Variants in JARID2 observed in about 807,000 individuals in gnomAD.
JARID2 encodes protein Jumonji.
JARID2 carries 21 observed loss-of-function variants against 125.6 expected under a neutral mutation model. The ratio of observed to expected loss-of-function variants is 0.17; its 90% CI spans 0.12 to 0.24. The LOEUF (loss-of-function observed/expected upper bound fraction) is 0.24, where lower values mean the gene tolerates loss of function less well. Among genes scored for constraint, JARID2 ranks in the 10% least tolerant of loss-of-function variants. The pLI, the probability that JARID2 is intolerant of heterozygous loss-of-function variation, is 1.00. For missense variants in JARID2, 1,303 were observed against 1,639.6 expected, an observed-to-expected ratio of 0.79 and a Z score of 3.55; for synonymous variants, 736 against 661.6, an observed-to-expected ratio of 1.11 and a Z score of -1.73.
chr6:15,471,134 G>GGT (rs1237585871), intron 5 of JARID2, among the ~76,000 whole-genome samples: 1 of 152,202 alleles, frequency 6.6e-6, no homozygotes, highest in African/African-American at 2.4e-5. Context: ...CAGAGGCGGG[G>GGT]GTGAAGGTAA....
chr6:15,321,621 TCTC>T (rs1319183707), intron 1 of JARID2, among the ~76,000 whole-genome samples: 1 of 152,084 alleles, frequency 6.6e-6, no homozygotes, highest in Non-Finnish European at 1.5e-5. Flanking sequence ...TCCTTCAGCT[TCTC>T]CTCGTATTTA....
chr6:15,382,999 C>T (rs1212318591), intron 2 of JARID2, among the ~76,000 whole-genome samples: 3 of 152,062 alleles, frequency 2.0e-5, no homozygotes, highest in Non-Finnish European at 2.9e-5. Context: ...ATGTGTAGGG[C>T]TATAGGGCGG....
chr6:15,447,207 C>A (rs1767712024), intron 3 of JARID2, among the ~76,000 whole-genome samples: 1 of 152,122 alleles, frequency 6.6e-6, no homozygotes, highest in South Asian at 2.1e-4. Context: ...AAATGTTATC[C>A]TCTGAATATA....
intron 5 of JARID2, among the ~76,000 whole-genome samples, chr6:15,484,360 G>A (rs1769765678): frequency 6.6e-6 from 1 of 152,200 alleles, no homozygotes; most frequent in Non-Finnish European, 1.5e-5. Context: ...TGGTCAGTGT[G>A]GACAAATTAA....
chr6:15,345,025 T>C (rs1763199470), intron 1 of JARID2, among the ~76,000 whole-genome samples: 1 of 152,140 alleles, frequency 6.6e-6, no homozygotes, highest in Non-Finnish European at 1.5e-5. Context: ...CAGTTATCAG[T>C]GTAATTTGTT....
intron 3 of JARID2, among the ~76,000 whole-genome samples, chr6:15,443,461 T>C (rs1767532165): frequency 6.6e-6 from 1 of 152,188 alleles, no homozygotes; most frequent in South Asian, 2.1e-4. Flanking sequence ...CTAAAATATA[T>C]ATGAATGAAT....
At chr6:15,513,953 C>G (rs1771417424) in intron 16 of JARID2, among the ~76,000 whole-genome samples, 1 of 152,230 alleles carries the variant, frequency 6.6e-6, no homozygotes, top group Non-Finnish European at 1.5e-5. Flanking sequence ...TGATGTTCCT[C>G]CTGTCCCATC....
intron 1 of JARID2, among the ~76,000 whole-genome samples, chr6:15,309,535 A>G (rs1761944679): frequency 6.6e-6 from 1 of 152,218 alleles, no homozygotes; most frequent in Non-Finnish European, 1.5e-5. Flanking sequence ...TGGTAGCAAG[A>G]ATGTTGACTG....
chr6:15,255,141 T>C (rs1231213016), intron 1 of JARID2, among the ~76,000 whole-genome samples: 1 of 144,572 alleles, frequency 6.9e-6, no homozygotes, highest in Non-Finnish European at 1.5e-5. Flanking sequence ...AGGAATTCTT[T>C]TTTTTTTTTT....
In JARID2 at chr6:15,268,194, G is replaced by A. The variant is rs139758914; in HGVS notation, c.45+21610G>A. On this transcript the variant is annotated intron_variant, in intron 1 of 17. Transcript: ENST00000341776. ...GCATTTTTGACCAAATTGGCTTTTC[G>A]TAAGGGTAGAGCTAGATTTTCCGAA... Among the ~76,000 whole-genome samples the A allele has an allele frequency of 2.4e-3, 370 of 152,250 alleles. 9 individuals are homozygous for A. Among genetic ancestry groups the A allele is most frequent in the Admixed American group, 0.023 (345 of 15,288 alleles).
chr6:15,263,475 T>G (rs1046256968), intron 1 of JARID2, among the ~76,000 whole-genome samples: 5 of 152,056 alleles, frequency 3.3e-5, no homozygotes, highest in Non-Finnish European at 7.4e-5. Context: ...GAAATAGGAG[T>G]TCTTCAAAGG....
At chr6:15,272,837 A>G (rs1240380697) in intron 1 of JARID2, among the ~76,000 whole-genome samples, 1 of 152,170 alleles carries the variant, frequency 6.6e-6, no homozygotes, top group Non-Finnish European at 1.5e-5. Flanking sequence ...GGCACTGGCT[A>G]TACATTTTAT....
chr6:15,408,927 CTGTAT>C (rs1245279461), intron 2 of JARID2, among the ~76,000 whole-genome samples: 1 of 152,042 alleles, frequency 6.6e-6, no homozygotes. Context: ...GTTTCTATTT[CTGTAT>C]TGTAGTCACA....
chr6:15,442,391 C>T (rs755386178), intron 3 of JARID2, among the ~76,000 whole-genome samples: 1 of 152,178 alleles, frequency 6.6e-6, no homozygotes, highest in Non-Finnish European at 1.5e-5. Context: ...CTTGTAACTA[C>T]AACAGCCTAT....
At chr6:15,458,652 C>T (rs186032360) in intron 4 of JARID2, among the ~76,000 whole-genome samples, 144 of 152,234 alleles carry the variant, frequency 9.5e-4, no homozygotes, top group African/African-American at 3.3e-3. Flanking sequence ...GAGGATATAA[C>T]AATAAATGCG....
intron 1 of JARID2, among the ~76,000 whole-genome samples, chr6:15,278,892 A>C (rs938057816): frequency 1.3e-5 from 2 of 152,140 alleles, no homozygotes; most frequent in Non-Finnish European, 2.9e-5. Context: ...AACAAGGCGA[A>C]ACCCTGTCTC....
intron 4 of JARID2, among the ~76,000 whole-genome samples, chr6:15,455,261 A>AT (rs58117035): frequency 2.1e-4 from 32 of 149,208 alleles, no homozygotes; most frequent in African/African-American, 3.7e-4. Flanking sequence ...GTGGCTTAAA[A>AT]TTTTTTTTTT....
rs570164784 is a variant in JARID2 at position 15,437,043 on chromosome 6, A to AT, written c.324-14959dup. 6.1e-3 allele frequency among the ~76,000 whole-genome samples: 922 copies of AT among 151,994 alleles called. 4 individuals carry two copies. The highest frequency in any genetic ancestry group is 9.8e-3 in the Non-Finnish European group (669 of 67,978). Reference sequence around the variant, plus strand: ...GGCCACCCTGTCCTTCAGCCGTGTGATTTTACGGTTTTACTGTTCAGCTTC... The same window carrying AT: ...GGCCACCCTGTCCTTCAGCCGTGTGATTTTTACGGTTTTACTGTTCAGCTTC... On this transcript the variant is annotated intron_variant, in intron 3 of 17. Transcript: ENST00000341776.
intron 1 of JARID2, among the ~76,000 whole-genome samples, chr6:15,293,605 C>G (rs1392020857): frequency 6.6e-6 from 1 of 152,198 alleles, no homozygotes; most frequent in Non-Finnish European, 1.5e-5. Context: ...GGTATACAAA[C>G]TGATCATTGG....
Sources: allele counts gnomAD v4.1 joint callset (sites outside exome capture counted in the v4.1 genomes callset), GRCh38; gene constraint gnomAD v4.1.1; transcripts MANE v1.5; gene names NCBI Gene and HGNC (gene_info 2026-07-23, HGNC 2026-07-21).